The following AKR1C8 variants were observed in gnomAD, a reference collection of about 807,000 sequenced individuals.
AKR1C8 encodes the protein aldo-keto reductase family 1 member C-like protein 1.
the AKR1C8 span, among the ~76,000 whole-genome samples, chr10:5,140,879 C>T: frequency 6.6e-6 from 1 of 152,044 alleles, no homozygotes; most frequent in African/African-American, 2.4e-5. Context: ...CTGTTGATTG[C>T]TGCTGACTGA....
chr10:5,140,981 C>T, the AKR1C8 span, among the ~76,000 whole-genome samples: 1 of 152,126 alleles, frequency 6.6e-6, no homozygotes, highest in Non-Finnish European at 1.5e-5. Context: ...AGACTTCTTT[C>T]ATGAAAGATT....
the AKR1C8 span, among the ~76,000 whole-genome samples, chr10:5,172,735 G>A: frequency 1.3e-5 from 2 of 152,064 alleles, no homozygotes; most frequent in South Asian, 2.1e-4. Flanking sequence ...AAAGATCAAA[G>A]TCATGTGAAC....
chr10:5,156,507 A>C, the AKR1C8 span, among the ~76,000 whole-genome samples: 2 of 116,484 alleles, frequency 1.7e-5, no homozygotes. Flanking sequence ...TCCAGGACAC[A>C]ATTTCATGAA....
chr10:5,165,285 T>C, the AKR1C8 span, among the ~76,000 whole-genome samples: 3 of 152,154 alleles, frequency 2.0e-5, no homozygotes, highest in African/African-American at 7.2e-5. Flanking sequence ...CTGTGGAACA[T>C]ATTATAGGAA....
At chr10:5,154,328 G>C in the AKR1C8 span, 4 of 304,076 alleles carry the variant, frequency 1.3e-5, no homozygotes, top group African/African-American at 8.7e-5. Context: ...AATCTATGGA[G>C]GGGATGAGAT....
At chr10:5,183,603 T>G in the AKR1C8 span, among the ~76,000 whole-genome samples, 1 of 152,008 alleles carries the variant, frequency 6.6e-6, no homozygotes, top group Non-Finnish European at 1.5e-5. Context: ...GTTCCCCACA[T>G]GACACCACCA....
chr10:5,173,054 A>C, the AKR1C8 span, among the ~76,000 whole-genome samples: 1 of 152,158 alleles, frequency 6.6e-6, no homozygotes, highest in Admixed American at 6.6e-5. Flanking sequence ...CAGGGGCTCC[A>C]TAAGGAAAAG....
At chr10:5,158,419 G>A in the AKR1C8 span, among the ~76,000 whole-genome samples, 1 of 152,156 alleles carries the variant, frequency 6.6e-6, no homozygotes, top group Non-Finnish European at 1.5e-5. Context: ...GAAACAGGAA[G>A]GAAAGAATGT....
the AKR1C8 span, among the ~76,000 whole-genome samples, chr10:5,153,662 G>C: frequency 6.6e-6 from 1 of 152,148 alleles, no homozygotes; most frequent in South Asian, 2.1e-4. Flanking sequence ...GCAGCAGGAA[G>C]AGAGTGAAGG....
the AKR1C8 span, among the ~76,000 whole-genome samples, chr10:5,177,383 G>A: frequency 0.041 from 6,281 of 152,084 alleles, 203 homozygotes; most frequent in Non-Finnish European, 0.062. Flanking sequence ...CGGTTTGCCA[G>A]TATTTTATTG....
At chr10:5,175,411 T>C in the AKR1C8 span, among the ~76,000 whole-genome samples, 95 of 152,276 alleles carry the variant, frequency 6.2e-4, no homozygotes, top group Middle Eastern at 3.4e-3. Flanking sequence ...GTCTTTGCTG[T>C]TGTGAATAGT....
chr10:5,157,709 G>T, the AKR1C8 span: 3 of 472,750 alleles, frequency 6.3e-6, no homozygotes, highest in East Asian at 6.9e-5. Context: ...AGCTGGTAGC[G>T]CAGGGCGACC....
chr10:5,116,294 T>G, the AKR1C8 span, among the ~76,000 whole-genome samples: 4,777 of 152,106 alleles, frequency 0.031, 257 homozygotes, highest in African/African-American at 0.11. Context: ...TCTTTCAGTT[T>G]AATGGAATTG....
chr10:5,149,571 G>A, the AKR1C8 span, among the ~76,000 whole-genome samples: 2 of 152,102 alleles, frequency 1.3e-5, no homozygotes, highest in Non-Finnish European at 1.5e-5. Flanking sequence ...TACTGGACCT[G>A]TCATAAAATG....
the AKR1C8 span, among the ~76,000 whole-genome samples, chr10:5,179,890 A>C: frequency 3.1e-3 from 476 of 152,188 alleles, no homozygotes; most frequent in Non-Finnish European, 5.2e-3. Flanking sequence ...TTTTTTTCAA[A>C]GTTTTTAACT....
chr10:5,138,005 T>G, the AKR1C8 span, among the ~76,000 whole-genome samples: 2 of 151,922 alleles, frequency 1.3e-5, no homozygotes, highest in Non-Finnish European at 2.9e-5. Context: ...GCAGAACTAC[T>G]GATAAGGGTC....
the AKR1C8 span, among the ~76,000 whole-genome samples, chr10:5,169,527 G>C: frequency 1.3e-5 from 1 of 75,062 alleles, no homozygotes; most frequent in African/African-American, 4.6e-5. Context: ...CTGATTGGTT[G>C]AGACAGAAGT....
the AKR1C8 span, among the ~76,000 whole-genome samples, chr10:5,141,900 A>T: frequency 1.3e-5 from 2 of 152,116 alleles, no homozygotes; most frequent in South Asian, 4.1e-4. Flanking sequence ...AATGGGAGCT[A>T]CTAACACAAG....
the AKR1C8 span, among the ~76,000 whole-genome samples, chr10:5,122,589 TC>T: frequency 6.6e-6 from 1 of 152,040 alleles, no homozygotes; most frequent in Non-Finnish European, 1.5e-5. Context: ...CACGGAACAA[TC>T]CCATTCAAGA....
Sources: gnomAD v4.1 joint callset for allele counts (sites outside exome capture counted in the v4.1 genomes callset) on GRCh38, gnomAD v4.1.1 for gene constraint, MANE v1.5 for transcripts, NCBI Gene and HGNC (gene_info 2026-07-23, HGNC 2026-07-21) for gene names.